Variants in SBF2 observed in about 807,000 individuals in gnomAD.
SBF2 encodes the protein myotubularin-related protein 13.
Under a neutral mutation model 225.2 loss-of-function variants are expected in SBF2, and 112 were observed. The observed-to-expected ratio is 0.50, with a 90% confidence interval of 0.43 to 0.58. SBF2 has a LOEUF of 0.58. SBF2 is among the 20% of genes least tolerant of loss of function. The probability of loss-of-function intolerance (pLI) is 0.00; values close to 1 mark genes in which losing one functional copy is unlikely to be tolerated. For missense variants in SBF2, 1,996 were observed against 2,206.2 expected, an observed-to-expected ratio of 0.90 and a Z score of 1.91; for synonymous variants, 763 against 773.3, an observed-to-expected ratio of 0.99 and a Z score of 0.22.
intron 17 of SBF2, among the ~76,000 whole-genome samples, chr11:9,894,242 G>C (rs1361322582): frequency 1.3e-5 from 2 of 152,210 alleles, no homozygotes; most frequent in Admixed American, 1.3e-4. Context: ...AAATCTGCTG[G>C]ACATGGTGGT....
At chr11:10,034,513 T>C (rs1949366907) in intron 3 of SBF2, among the ~76,000 whole-genome samples, 1 of 152,250 alleles carries the variant, frequency 6.6e-6, no homozygotes, top group Non-Finnish European at 1.5e-5. Context: ...TGTATCTTGA[T>C]GCTTAATTTT....
intron 9 of SBF2, 48 bp from the exon 10 acceptor site, chr11:9,994,046 A>G: frequency 8.9e-7 from 1 of 1,120,292 alleles, no homozygotes; most frequent in Non-Finnish European, 1.4e-6. Flanking sequence ...TATCAATGAA[A>G]TCTATTATTG....
chr11:10,036,803 C>T lies in SBF2; in HGVS notation c.280-5633G>A, dbSNP rs567892322. On this transcript the variant is annotated intron_variant, in intron 3 of 39. Coordinates refer to ENST00000256190, the MANE Select transcript of SBF2 (RefSeq NM_030962.4). Reference sequence around the variant, plus strand: ...TGTTTAGGAAAGATAACATCTGAGACGCCAAACTGTCAATTTGAAAAGATG... The same window carrying T: ...TGTTTAGGAAAGATAACATCTGAGATGCCAAACTGTCAATTTGAAAAGATG... Among the ~76,000 whole-genome samples the T allele has an allele frequency of 5.3e-5, 8 of 152,234 alleles. No individual in the cohort carries two copies. In the East Asian group the frequency reaches 5.8e-4, roughly 11 times the overall value.
At chr11:10,160,155 C>T (rs1955670634) in intron 2 of SBF2, among the ~76,000 whole-genome samples, 1 of 151,986 alleles carries the variant, frequency 6.6e-6, no homozygotes, top group Non-Finnish European at 1.5e-5. Flanking sequence ...CTTATGTATA[C>T]ATAGAAAACC....
chr11:10,214,358 T>C (rs1374330471), intron 1 of SBF2, among the ~76,000 whole-genome samples: 7 of 152,206 alleles, frequency 4.6e-5, no homozygotes, highest in African/African-American at 1.7e-4. Context: ...GCGCGGTGGC[T>C]CACGCCTATA....
chr11:10,147,536 A>C (rs1358384268), intron 2 of SBF2, among the ~76,000 whole-genome samples: 1 of 152,104 alleles, frequency 6.6e-6, no homozygotes, highest in African/African-American at 2.4e-5. Flanking sequence ...GGGCAAAAAG[A>C]GGGCAACTAC....
chr11:9,815,253 C>T (rs1008893426), intron 29 of SBF2, among the ~76,000 whole-genome samples: 11 of 124,486 alleles, frequency 8.8e-5, no homozygotes, highest in African/African-American at 2.8e-4. Flanking sequence ...TCATGGCCAA[C>T]GTGGTGAAAC....
intron 15 of SBF2, among the ~76,000 whole-genome samples, chr11:9,962,475 A>G (rs564052305): frequency 4.3e-4 from 66 of 152,336 alleles, no homozygotes; most frequent in African/African-American, 1.4e-3. Context: ...CCATGGCAAG[A>G]ACAGAAAGAA....
intron 1 of SBF2, among the ~76,000 whole-genome samples, chr11:10,258,271 A>G (rs1591319521): frequency 6.6e-6 from 1 of 151,982 alleles, no homozygotes; most frequent in African/African-American, 2.4e-5. Context: ...CATCTAGCTA[A>G]TTTTTTATTT....
chr11:9,921,585 GATACAAGCA>G (rs1863637318), intron 16 of SBF2, among the ~76,000 whole-genome samples: 1 of 152,164 alleles, frequency 6.6e-6, no homozygotes, highest in Non-Finnish European at 1.5e-5. Flanking sequence ...CCTGATTTTG[GATACAAGCA>G]ATGTGTGAAA....
intron 24 of SBF2, among the ~76,000 whole-genome samples, chr11:9,845,147 T>C (rs1856448703): frequency 6.6e-6 from 1 of 152,166 alleles, no homozygotes. Context: ...TTATGAATTT[T>C]CAGTAAGTTT....
At chr11:9,993,865 TA>T in intron 10 of SBF2, 55 bp downstream of exon 10, 1 of 1,478,604 alleles carries the variant, frequency 6.8e-7, no homozygotes, top group Non-Finnish European at 9.4e-7. Flanking sequence ...AACAACCCTA[TA>T]AATAAAAATA....
chr11:9,897,427 G>A lies in SBF2; in HGVS notation c.1861-1416C>T, dbSNP rs985963990. On this transcript the variant is annotated intron_variant, in intron 16 of 39. Coordinates refer to ENST00000256190, the MANE Select transcript of SBF2 (RefSeq NM_030962.4). ...TAATTTTTATATTTTTAGTAGAGACGGGGTTTAACTCCTGACCTCAAGTGA... is the reference window on the plus strand; with the variant it reads ...TAATTTTTATATTTTTAGTAGAGACAGGGTTTAACTCCTGACCTCAAGTGA... Among the ~76,000 whole-genome samples the A allele has an allele frequency of 9.2e-5, 14 of 152,026 alleles. No homozygotes were observed. In the South Asian group the frequency reaches 2.5e-3, roughly 27 times the overall value.
intron 2 of SBF2, among the ~76,000 whole-genome samples, chr11:10,193,159 A>G (rs1300079838): frequency 6.6e-6 from 1 of 152,192 alleles, no homozygotes. Flanking sequence ...ATGACTGGTC[A>G]ACATTAAATG....
intron 2 of SBF2, among the ~76,000 whole-genome samples, chr11:10,187,598 C>A (rs939876783): frequency 6.9e-6 from 1 of 145,202 alleles, no homozygotes; most frequent in Non-Finnish European, 1.5e-5. Flanking sequence ...AATAAACTCA[C>A]TTTTTTTTTT....
At chr11:9,967,986 TATATAA>T (rs1402357974) in intron 14 of SBF2, among the ~76,000 whole-genome samples, 66 of 139,410 alleles carry the variant, frequency 4.7e-4, no homozygotes, top group African/African-American at 1.5e-3. Flanking sequence ...TATATATATA[TATATAA>T]AATATATATA....
chr11:9,983,745 C>T (rs896904973), intron 13 of SBF2, among the ~76,000 whole-genome samples: 21 of 152,320 alleles, frequency 1.4e-4, no homozygotes, highest in African/African-American at 4.6e-4. Flanking sequence ...AGACGGTTCA[C>T]ATCACAGGAC....
intron 2 of SBF2, among the ~76,000 whole-genome samples, chr11:10,118,014 T>C (rs903062199): frequency 6.6e-6 from 1 of 152,178 alleles, no homozygotes; most frequent in Non-Finnish European, 1.5e-5. Context: ...CACTACAACT[T>C]GGTTATTCAC....
chr11:9,899,470 C>A (rs1269423581), intron 16 of SBF2, among the ~76,000 whole-genome samples: 8 of 150,554 alleles, frequency 5.3e-5, no homozygotes, highest in Admixed American at 4.6e-4. Flanking sequence ...TGCCGTGACA[C>A]CCCAGCCTGG....
Sources: allele counts gnomAD v4.1 joint callset (sites outside exome capture counted in the v4.1 genomes callset), GRCh38; gene constraint gnomAD v4.1.1; transcripts MANE v1.5; gene names NCBI Gene and HGNC (gene_info 2026-07-23, HGNC 2026-07-21).